CDH12: variants seen among roughly 807,000 people sequenced by gnomAD.
CDH12 encodes cadherin-12.
In CDH12, 41 loss-of-function variants were observed where a neutral mutation model predicts 74.1. The observed-to-expected ratio is 0.55, with a 90% CI of 0.43 to 0.72. CDH12 has a LOEUF of 0.72. CDH12 is among the 30% of genes least tolerant of loss of function. CDH12 has a pLI of 0.00. For synonymous variants in CDH12, 399 were observed against 355.0 expected (o/e 1.12, Z -1.39); for missense variants, 945 against 977.2 (o/e 0.97, Z 0.44).
intron 11 of CDH12, among the ~76,000 whole-genome samples, chr5:21,771,986 T>C (rs1219086162): frequency 6.6e-6 from 1 of 152,198 alleles, no homozygotes; most frequent in Non-Finnish European, 1.5e-5. Context: ...GCTGATCAGT[T>C]GTGCCTGATT....
chr5:21,885,389 T>A (rs1393695667), intron 6 of CDH12, among the ~76,000 whole-genome samples: 2 of 152,166 alleles, frequency 1.3e-5, no homozygotes, highest in Non-Finnish European at 2.9e-5. Flanking sequence ...TCAATTACTA[T>A]GCCACTCACC....
intron 5 of CDH12, among the ~76,000 whole-genome samples, chr5:21,986,245 A>G (rs1161299448): frequency 1.3e-5 from 2 of 152,222 alleles, no homozygotes; most frequent in Non-Finnish European, 2.9e-5. Context: ...AAAAAAGCTT[A>G]TGTGCTAGGA....
intron 3 of CDH12, among the ~76,000 whole-genome samples, chr5:22,273,767 G>A (rs568625833): frequency 1.7e-4 from 26 of 151,016 alleles, no homozygotes; most frequent in African/African-American, 6.4e-4. Context: ...TTTGAGTGAG[G>A]TGGGAATACT....
chr5:22,693,362 G>A (rs74727510), intron 1 of CDH12, among the ~76,000 whole-genome samples: 1,567 of 152,304 alleles, frequency 0.01, 30 homozygotes, highest in African/African-American at 0.036. Flanking sequence ...GCTTGTGAGA[G>A]TGTGTGGGGA....
chr5:22,663,833 A>C (rs1740469268), intron 1 of CDH12, among the ~76,000 whole-genome samples: 1 of 148,208 alleles, frequency 6.7e-6, no homozygotes, highest in African/African-American at 2.5e-5. Flanking sequence ...AATAACAATT[A>C]TATATAAAAT....
At chr5:22,461,030 C>CTTTTTTTTTTTT (rs34555692) in intron 2 of CDH12, among the ~76,000 whole-genome samples, 1 of 63,558 alleles carries the variant, frequency 1.6e-5, no homozygotes, top group African/African-American at 6.5e-5. Context: ...CAATGTCTAG[C>CTTTTTTTTTTTT]TTTTTTTTTT....
intron 1 of CDH12, among the ~76,000 whole-genome samples, chr5:22,552,840 A>G (rs1267775522): frequency 1.3e-5 from 2 of 152,156 alleles, no homozygotes; most frequent in Admixed American, 1.3e-4. Flanking sequence ...TCTGGCACAC[A>G]TGAGGATGGG....
chr5:21,765,313 G>T (rs1258248676), intron 11 of CDH12, among the ~76,000 whole-genome samples: 3 of 152,014 alleles, frequency 2.0e-5, no homozygotes, highest in Non-Finnish European at 4.4e-5. Context: ...CTATTTAATT[G>T]ATATTTTAGC....
At chr5:22,327,614 G>A (rs1580527653) in intron 3 of CDH12, among the ~76,000 whole-genome samples, 2 of 152,166 alleles carry the variant, frequency 1.3e-5, no homozygotes, top group African/African-American at 4.8e-5. Context: ...GTCATAGAGC[G>A]CTAGTCCTGG....
chr5:22,494,839 T>G lies in CDH12; in HGVS notation c.-428+10431A>C, dbSNP rs574385029. ...TATGCTGCTCAGCAAACACAAGGAG[T>G]ACTCTGTGATGAGGCTGGAGAATTC... On this transcript the variant is annotated intron_variant, in intron 2 of 14. Coordinates refer to ENST00000382254, the MANE Select transcript of CDH12 (RefSeq NM_004061.5). Among the ~76,000 whole-genome samples the G allele has an allele frequency of 5.9e-5, 9 of 152,264 alleles. No individual in the cohort carries two copies. In the South Asian group the frequency reaches 1.9e-3, roughly 32 times the overall value.
At chr5:21,923,180 C>T (rs777544489) in intron 6 of CDH12, among the ~76,000 whole-genome samples, 4 of 151,944 alleles carry the variant, frequency 2.6e-5, no homozygotes, top group East Asian at 1.9e-4. Context: ...AGCTAAGTTA[C>T]GTTATGTGAA....
At chr5:21,826,928 G>C (rs952078422) in intron 8 of CDH12, among the ~76,000 whole-genome samples, 9 of 152,060 alleles carry the variant, frequency 5.9e-5, no homozygotes, top group African/African-American at 2.2e-4. Flanking sequence ...GAAAAAACAG[G>C]TATGAGCCCT....
chr5:21,919,647 A>G (rs1042459095), intron 6 of CDH12, among the ~76,000 whole-genome samples: 1 of 152,176 alleles, frequency 6.6e-6, no homozygotes, highest in Non-Finnish European at 1.5e-5. Flanking sequence ...TTGTAAGAGC[A>G]GCTGTAGATA....
At chr5:22,378,992 C>T (rs1288904231) in intron 3 of CDH12, among the ~76,000 whole-genome samples, 2 of 152,016 alleles carry the variant, frequency 1.3e-5, no homozygotes, top group Non-Finnish European at 2.9e-5. Context: ...ATAGGTTTGC[C>T]TGTTTTTAAT....
At chr5:21,983,870 C>T (rs1757411294) in intron 5 of CDH12, among the ~76,000 whole-genome samples, 1 of 152,100 alleles carries the variant, frequency 6.6e-6, no homozygotes, top group Non-Finnish European at 1.5e-5. Context: ...CACACATATA[C>T]CGCAGATACA....
At position 21,963,128 on chromosome 5, in the gene CDH12, G is replaced by T. The variant is rs1011757588; in HGVS notation, c.526+11963C>A. ...ATAGATAGATAGATAGATAGATAGA[G>T]AGATGATATAGATAGAGATTTAATT... On this transcript the variant is annotated intron_variant, in intron 6 of 14. Coordinates refer to ENST00000382254, the MANE Select transcript of CDH12 (RefSeq NM_004061.5). 4.5e-4 allele frequency among the ~76,000 whole-genome samples: 68 copies of T among 150,000 alleles called. 1 individual carries two copies. Among genetic ancestry groups the T allele is most frequent in the African/African-American group, 1.4e-3 (56 of 40,872 alleles).
At chr5:21,934,764 C>A (rs947437962) in intron 6 of CDH12, among the ~76,000 whole-genome samples, 7 of 151,908 alleles carry the variant, frequency 4.6e-5, no homozygotes, top group African/African-American at 1.7e-4. Flanking sequence ...TCCTCTTTCT[C>A]CCCCTTTCCC....
intron 11 of CDH12, among the ~76,000 whole-genome samples, chr5:21,770,333 T>C (rs949018196): frequency 6.6e-6 from 1 of 152,018 alleles, no homozygotes; most frequent in African/African-American, 2.4e-5. Context: ...ACTATAAGAG[T>C]TAAAATTCGG....
At chr5:22,270,282 T>C (rs1736331598) in intron 3 of CDH12, among the ~76,000 whole-genome samples, 1 of 152,174 alleles carries the variant, frequency 6.6e-6, no homozygotes, top group Admixed American at 6.5e-5. Context: ...GTTTATGCCC[T>C]GATACCATAG....
Sources: gnomAD v4.1 joint callset for allele counts (sites outside exome capture counted in the v4.1 genomes callset) on GRCh38, gnomAD v4.1.1 for gene constraint, MANE v1.5 for transcripts, NCBI Gene and HGNC (gene_info 2026-07-23, HGNC 2026-07-21) for gene names.